RECK: variants seen among roughly 807,000 people sequenced by gnomAD.
The protein encoded by RECK is reversion-inducing cysteine-rich protein with Kazal motifs.
RECK carries 69 observed loss-of-function variants against 115.1 expected under a neutral mutation model. The observed-to-expected ratio is 0.60, with a 90% CI of 0.49 to 0.73. RECK has a LOEUF of 0.73. Ranked by LOEUF, RECK falls within the 30% of genes least tolerant of loss-of-function variation. The pLI is 0.00. For synonymous variants in RECK, 414 were observed against 419.7 expected, an observed-to-expected ratio of 0.99 and a Z score of 0.17; for missense variants, 1,047 against 1,203.7, an observed-to-expected ratio of 0.87 and a Z score of 1.93.
chr9:36,062,072 G>T (rs916944796), intron 4 of RECK, among the ~76,000 whole-genome samples: 1 of 151,716 alleles, frequency 6.6e-6, no homozygotes, highest in African/African-American at 2.4e-5. Flanking sequence ...GCAGCATAAG[G>T]CAATTTTAAA....
chr9:36,054,764 G>A (rs913719793), intron 2 of RECK, among the ~76,000 whole-genome samples: 13 of 152,100 alleles, frequency 8.5e-5, no homozygotes, highest in Non-Finnish European at 1.5e-5. Context: ...TTCAGTTTTT[G>A]TATATGTCTT....
chr9:36,111,922 C>G (rs1233933218), intron 15 of RECK, among the ~76,000 whole-genome samples: 1 of 149,440 alleles, frequency 6.7e-6, no homozygotes, highest in African/African-American at 2.5e-5. Context: ...ATGAGCTATT[C>G]AGAGCATTGC....
intron 6 of RECK, among the ~76,000 whole-genome samples, chr9:36,080,354 A>G (rs927752315): frequency 6.6e-6 from 1 of 152,246 alleles, no homozygotes; most frequent in Non-Finnish European, 1.5e-5. Context: ...TTACAGCTTT[A>G]CATAAACTTG....
intron 10 of RECK, among the ~76,000 whole-genome samples, chr9:36,099,224 T>TCAA (rs60403523): frequency 0.18 from 25,769 of 146,804 alleles, 2,412 homozygotes; most frequent in East Asian, 0.23. Context: ...AGAACCTGTC[T>TCAA]CAACAACAAC....
At chr9:36,059,904 C>T (rs891553181) in intron 3 of RECK, among the ~76,000 whole-genome samples, 1 of 152,144 alleles carries the variant, frequency 6.6e-6, no homozygotes, top group Non-Finnish European at 1.5e-5. Context: ...CTAGACTCAT[C>T]GTTAATGCTC....
At position 36,066,831 on chromosome 9, in the gene RECK, A is replaced by T; in HGVS notation, c.405+1207A>T. On this transcript the variant is annotated intron_variant, in intron 6 of 20. Transcript: ENST00000377966. The stretch of plus-strand genomic sequence containing the variant: ...TCTGGATTTCTGCATTGCCCTAGGA[A>T]GTCTGCCAGTATGTGTTGATGAAGG... 3 of 1,289,480 alleles carry T rather than the reference A, an allele frequency of 2.3e-6. No individual in the cohort carries two copies. In the South Asian group the frequency reaches 3.7e-5, roughly 16 times the overall value. 79.9% of individuals were successfully genotyped at this position (1,289,480 alleles called of 1,614,324 possible). A position where few individuals can be genotyped will look rare whatever the true frequency, so the allele number is the denominator to read the frequency against.
chr9:36,106,171 C>T (rs1360275408), intron 13 of RECK, among the ~76,000 whole-genome samples: 4 of 141,866 alleles, frequency 2.8e-5, no homozygotes, highest in Non-Finnish European at 6.0e-5. Context: ...GATCGCGCCA[C>T]TGCACTCCAG....
At chr9:36,064,160 T>C (rs1192630339) in intron 5 of RECK, among the ~76,000 whole-genome samples, 1 of 152,256 alleles carries the variant, frequency 6.6e-6, no homozygotes, top group African/African-American at 2.4e-5. Flanking sequence ...ATACTTTGCC[T>C]GCAATCATGC....
At chr9:36,059,204 C>A (rs1821660413) in intron 3 of RECK, among the ~76,000 whole-genome samples, 1 of 152,016 alleles carries the variant, frequency 6.6e-6, no homozygotes. Flanking sequence ...TGCCTGTAAT[C>A]CCAGCACTTT....
chr9:36,038,154 A>C (rs1820742939), intron 1 of RECK, among the ~76,000 whole-genome samples: 1 of 152,054 alleles, frequency 6.6e-6, no homozygotes, highest in Admixed American at 6.5e-5. Flanking sequence ...TTCTACTAAA[A>C]ATACAAAAAT....
chr9:36,121,350 A>G (rs563860102), intron 19 of RECK, among the ~76,000 whole-genome samples, 183 bp from the exon 20 acceptor site: 3 of 152,336 alleles, frequency 2.0e-5, no homozygotes, highest in Non-Finnish European at 4.4e-5. Context: ...TTTCTCAGTC[A>G]GGCAAAACCC....
intron 10 of RECK, among the ~76,000 whole-genome samples, chr9:36,096,246 A>T (rs910168952): frequency 6.0e-5 from 9 of 149,270 alleles, no homozygotes; most frequent in African/African-American, 2.0e-4. Context: ...CAAAAAAAAA[A>T]TTTTAAAAGG....
At chr9:36,096,394 G>A (rs1350354668) in intron 10 of RECK, among the ~76,000 whole-genome samples, 4 of 151,082 alleles carry the variant, frequency 2.6e-5, no homozygotes, top group Middle Eastern at 3.4e-3. Context: ...AAAACTAGCC[G>A]GACATGGTGT....
intron 12 of RECK, among the ~76,000 whole-genome samples, chr9:36,104,285 T>TGC (rs1823677629): frequency 3.8e-5 from 1 of 26,572 alleles, no homozygotes; most frequent in African/African-American, 2.0e-4. Context: ...CATGTGTGTG[T>TGC]GTGTGTGTAT....
chr9:36,047,822 A>C (rs1366164409), intron 1 of RECK, among the ~76,000 whole-genome samples: 1 of 151,718 alleles, frequency 6.6e-6, no homozygotes, highest in Non-Finnish European at 1.5e-5. Flanking sequence ...AAAAAAAAAA[A>C]AAAAGGCTAG....
chr9:36,097,830 T>G (rs1203106902), intron 10 of RECK, among the ~76,000 whole-genome samples: 2 of 152,214 alleles, frequency 1.3e-5, no homozygotes, highest in Non-Finnish European at 1.5e-5. Flanking sequence ...ATATATACAC[T>G]GTGGAATCCT....
Position 36,100,348 on chromosome 9 carries a change from G to A in RECK, c.1103G>A (p.Arg368Lys). The A allele has an allele frequency of 6.2e-7, 1 of 1,614,002 alleles. No homozygotes were observed. Among genetic ancestry groups the A allele is most frequent in the African/African-American group, 1.3e-5 (1 of 75,028 alleles). ...CTCTTTAGGCCAACAGAACTTTTCA[G>A]GAGTTGTAATGCACAGTCAGATCAA... Reference protein sequence around the residue: ...NFNNRPTELFRSCNAQSDQGA... With the variant: ...NFNNRPTELFKSCNAQSDQGA... The change falls in exon 11 of 21, where the codon AGG becomes AAG. Residue 368 changes from arginine to lysine, a missense_variant. Coordinates refer to ENST00000377966, the MANE Select transcript of RECK (RefSeq NM_021111.3).
intron 12 of RECK, among the ~76,000 whole-genome samples, chr9:36,104,637 G>C (rs575735810): frequency 2.0e-5 from 3 of 151,742 alleles, no homozygotes; most frequent in Admixed American, 6.6e-5. Flanking sequence ...AGCCTCCTGA[G>C]TAGCTAGGAT....
Position 36,087,798 on chromosome 9 carries a change from G to C in RECK, c.742G>C (p.Glu248Gln), listed in dbSNP as rs770475755. Residue 248 changes from glutamate (E) to glutamine (Q), a missense_variant, in exon 9 of 21, where the codon GAG becomes CAG. Glu to Gln is a conservative substitution (Grantham distance 29). Coordinates refer to ENST00000377966, the MANE Select transcript of RECK (RefSeq NM_021111.3). Reference sequence around the variant, plus strand: ...AATGGAGATTGTTGATGGTCTCATCGAGGGTTGTAAGACCCAGCCCTTGCC... The same window carrying C: ...AATGGAGATTGTTGATGGTCTCATCCAGGGTTGTAAGACCCAGCCCTTGCC... ...TEMEIVDGLI[E>Q]GCKTQPLPQD... is the part of the protein sequence containing the mutation. 1 of 1,613,886 alleles carries C rather than the reference G, an allele frequency of 6.2e-7. No individual in the cohort carries two copies. Among genetic ancestry groups the C allele is most frequent in the South Asian group, 1.1e-5 (1 of 91,070 alleles).
Sources: allele counts gnomAD v4.1 joint callset (sites outside exome capture counted in the v4.1 genomes callset), GRCh38; gene constraint gnomAD v4.1.1; transcripts MANE v1.5; gene names NCBI Gene and HGNC (gene_info 2026-07-23, HGNC 2026-07-21).